Variants in DOCK1 observed in about 807,000 individuals in gnomAD.
The protein encoded by DOCK1 is dedicator of cytokinesis 1.
In DOCK1, 138 loss-of-function variants were observed where a neutral mutation model predicts 262.7. The observed-to-expected ratio is 0.53, with a 90% CI of 0.46 to 0.61. The LOEUF (loss-of-function observed/expected upper bound fraction) is 0.61, where lower values mean the gene tolerates loss of function less well. DOCK1 is among the 20% of genes least tolerant of loss of function. The pLI is 0.00. For synonymous variants in DOCK1, 866 were observed against 867.4 expected, an observed-to-expected ratio of 1.00 and a Z score of 0.03; for missense variants, 1,908 against 2,370.7, an observed-to-expected ratio of 0.80 and a Z score of 4.05.
chr10:127,108,107 T>C (rs759483935), intron 24 of DOCK1, among the ~76,000 whole-genome samples: 2 of 152,234 alleles, frequency 1.3e-5, no homozygotes, highest in Non-Finnish European at 2.9e-5. Context: ...TCAATGCCTG[T>C]TACACTGATT....
At chr10:127,229,762 G>A (rs1466011950) in intron 27 of DOCK1, among the ~76,000 whole-genome samples, 1 of 152,126 alleles carries the variant, frequency 6.6e-6, no homozygotes, top group Non-Finnish European at 1.5e-5. Flanking sequence ...TGGGATTGCA[G>A]CATCATTTGA....
At chr10:127,236,512 T>TTTTTTTG (rs2059066360) in intron 27 of DOCK1, among the ~76,000 whole-genome samples, 1 of 144,960 alleles carries the variant, frequency 6.9e-6, no homozygotes, top group Non-Finnish European at 1.5e-5. Flanking sequence ...TTTTTTTTTT[T>TTTTTTTG]TTTTTTTTTT....
chr10:127,064,352 T>A (rs1437599009), intron 23 of DOCK1, among the ~76,000 whole-genome samples: 1 of 152,152 alleles, frequency 6.6e-6, no homozygotes. Flanking sequence ...ACTTTGCGGA[T>A]TAGAGTCAGC....
chr10:127,121,343 G>C (rs2049552093), intron 25 of DOCK1, among the ~76,000 whole-genome samples: 1 of 151,394 alleles, frequency 6.6e-6, no homozygotes, highest in African/African-American at 2.4e-5. Flanking sequence ...CATGGGAAAA[G>C]TATTCAGGAC....
At chr10:127,324,296 G>A (rs1038859826) in intron 29 of DOCK1, among the ~76,000 whole-genome samples, 10 of 152,174 alleles carry the variant, frequency 6.6e-5, no homozygotes, top group African/African-American at 1.9e-4. Context: ...GGCCTTAACC[G>A]TCACCTGCCT....
chr10:127,274,514 G>A (rs748766582), intron 29 of DOCK1, among the ~76,000 whole-genome samples: 5 of 152,188 alleles, frequency 3.3e-5, no homozygotes, highest in African/African-American at 4.8e-5. Context: ...CTACACCAGC[G>A]ATGGCCATGT....
chr10:127,234,818 C>A (rs2058986770), intron 27 of DOCK1, among the ~76,000 whole-genome samples: 1 of 151,304 alleles, frequency 6.6e-6, no homozygotes, highest in African/African-American at 2.4e-5. Flanking sequence ...AGTGTAAGAG[C>A]AAGAAGGAAT....
At chr10:126,958,586 G>A (rs2036939178) in intron 1 of DOCK1, among the ~76,000 whole-genome samples, 1 of 152,128 alleles carries the variant, frequency 6.6e-6, no homozygotes, top group Admixed American at 6.5e-5. Flanking sequence ...GTGGGGTCAG[G>A]GCTCTGTTAG....
intron 40 of DOCK1, among the ~76,000 whole-genome samples, chr10:127,406,148 G>A (rs747523388): frequency 1.1e-4 from 17 of 152,118 alleles, no homozygotes; most frequent in Non-Finnish European, 2.1e-4. Flanking sequence ...TAGATGGTGC[G>A]TGTGGCCCCT....
chr10:127,240,271 CT>C (rs11377580), intron 27 of DOCK1, among the ~76,000 whole-genome samples: 11 of 143,540 alleles, frequency 7.7e-5, no homozygotes, highest in African/African-American at 1.8e-4. Context: ...ATAGTTTTGG[CT>C]TTTTTTTTTT....
intron 38 of DOCK1, among the ~76,000 whole-genome samples, chr10:127,390,083 C>T (rs761430156): frequency 2.0e-5 from 3 of 152,008 alleles, no homozygotes; most frequent in Admixed American, 6.6e-5. Flanking sequence ...CTTTGCCTTC[C>T]GCCGTGAGTA....
chr10:127,149,006 A>G (rs546862410), intron 27 of DOCK1, among the ~76,000 whole-genome samples: 24 of 152,316 alleles, frequency 1.6e-4, no homozygotes, highest in African/African-American at 4.6e-4. Flanking sequence ...GAGGAAGCCC[A>G]TCAATCCTCT....
intron 23 of DOCK1, among the ~76,000 whole-genome samples, chr10:127,095,690 T>TGTGTGA (rs1291649723): frequency 2.0e-5 from 3 of 151,870 alleles, no homozygotes; most frequent in African/African-American, 4.8e-5. Flanking sequence ...TGTGTGTGTG[T>TGTGTGA]GAGCAATTAA....
chr10:127,393,820 T>C (rs2066648918), intron 38 of DOCK1, among the ~76,000 whole-genome samples: 1 of 152,208 alleles, frequency 6.6e-6, no homozygotes, highest in African/African-American at 2.4e-5. Context: ...CTTAATCTTT[T>C]TCTTTCTCTC....
At chr10:127,401,234 G>A (rs141606330) in intron 38 of DOCK1, among the ~76,000 whole-genome samples, 1 of 152,270 alleles carries the variant, frequency 6.6e-6, no homozygotes, top group African/African-American at 2.4e-5. Flanking sequence ...ATTGATTTGA[G>A]TAATGACACC....
At chr10:127,329,476 G>A (rs11017354) in intron 29 of DOCK1, among the ~76,000 whole-genome samples, 7,262 of 151,548 alleles carry the variant, frequency 0.048, 208 homozygotes, top group Non-Finnish European at 0.071. Flanking sequence ...CGGACACTGG[G>A]GTGCTGGGGC....
intron 10 of DOCK1, among the ~76,000 whole-genome samples, chr10:127,005,697 C>T (rs1018278589): frequency 1.3e-5 from 2 of 152,146 alleles, no homozygotes; most frequent in Non-Finnish European, 2.9e-5. Context: ...CATAGTTTTA[C>T]ATAGCCAGGG....
chr10:127,268,503 C>CAAAAAAAAAAAAAAAAA (rs56689236), intron 29 of DOCK1, among the ~76,000 whole-genome samples: 1 of 70,156 alleles, frequency 1.4e-5, no homozygotes. Context: ...GACTCCACCT[C>CAAAAAAAAAAAAAAAAA]AAAAAAAAAA....
intron 22 of DOCK1, among the ~76,000 whole-genome samples, chr10:127,061,205 G>T (rs2045508421): frequency 6.6e-6 from 1 of 152,166 alleles, no homozygotes; most frequent in East Asian, 1.9e-4. Context: ...TCCAGCCTGG[G>T]TGACAAGAGC....
Sources: allele counts gnomAD v4.1 joint callset (sites outside exome capture counted in the v4.1 genomes callset), GRCh38; gene constraint gnomAD v4.1.1; transcripts MANE v1.5; gene names NCBI Gene and HGNC (gene_info 2026-07-23, HGNC 2026-07-21).